The following CCDC91 variants were observed in gnomAD, a reference collection of about 807,000 sequenced individuals.
CCDC91 encodes coiled-coil domain-containing protein 91.
CCDC91 carries 48 observed loss-of-function variants against 63.2 expected under a neutral mutation model. The observed-to-expected ratio is 0.76, with a 90% CI of 0.60 to 0.97. The LOEUF is 0.97. Among genes scored for constraint, CCDC91 ranks in the 50% least tolerant of loss-of-function variants. The pLI is 0.00. For synonymous variants in CCDC91, 167 were observed against 165.8 expected (o/e 1.01, Z -0.06); for missense variants, 500 against 494.6 (o/e 1.01, Z -0.10).
chr12:28,230,912 A>G (rs1351919424), intron 1 of CCDC91, among the ~76,000 whole-genome samples: 1 of 152,210 alleles, frequency 6.6e-6, no homozygotes, highest in Non-Finnish European at 1.5e-5. Flanking sequence ...GGCATGAGCC[A>G]CTGTACCTGG....
chr12:28,323,637 C>A (rs1435874325), intron 6 of CCDC91, among the ~76,000 whole-genome samples: 4 of 151,806 alleles, frequency 2.6e-5, no homozygotes, highest in Non-Finnish European at 5.9e-5. Context: ...AGGTTTTAAA[C>A]CCTGTTGCGA....
chr12:28,486,271 T>C (rs1332094977), intron 12 of CCDC91, among the ~76,000 whole-genome samples: 1 of 152,180 alleles, frequency 6.6e-6, no homozygotes, highest in African/African-American at 2.4e-5. Flanking sequence ...CTTAGCGTAA[T>C]GCCCTCAAGG....
At chr12:28,388,525 T>G (rs113993888) in intron 7 of CCDC91, among the ~76,000 whole-genome samples, 1 of 152,174 alleles carries the variant, frequency 6.6e-6, no homozygotes, top group Admixed American at 6.5e-5. Context: ...TGCAAAAACA[T>G]AAAATACTTA....
chr12:28,328,490 A>G (rs1406112374), intron 6 of CCDC91, among the ~76,000 whole-genome samples: 1 of 152,218 alleles, frequency 6.6e-6, no homozygotes, highest in Non-Finnish European at 1.5e-5. Context: ...TTTTATTTTC[A>G]GATTGCCAAT....
chr12:28,508,411 A>G (rs1592896408), intron 12 of CCDC91, among the ~76,000 whole-genome samples: 5 of 151,746 alleles, frequency 3.3e-5, no homozygotes, highest in Admixed American at 2.6e-4. Context: ...ACCTGTATCC[A>G]TGGGACCTAT....
At chr12:28,317,331 G>A (rs573245405) in intron 6 of CCDC91, among the ~76,000 whole-genome samples, 6 of 152,008 alleles carry the variant, frequency 3.9e-5, no homozygotes, top group African/African-American at 1.4e-4. Context: ...CCTGCTGATT[G>A]CTGTTAAAGG....
At chr12:28,347,409 C>T (rs917406284) in intron 6 of CCDC91, among the ~76,000 whole-genome samples, 1 of 152,168 alleles carries the variant, frequency 6.6e-6, no homozygotes, top group Non-Finnish European at 1.5e-5. Context: ...AGTACCCTAT[C>T]TTTTTCACCT....
At chr12:28,415,439 C>T (rs1474933604) in intron 8 of CCDC91, among the ~76,000 whole-genome samples, 3 of 152,014 alleles carry the variant, frequency 2.0e-5, no homozygotes, top group East Asian at 1.9e-4. Flanking sequence ...AGACTGGTCT[C>T]GAACTCCTGA....
intron 2 of CCDC91, 125 bp downstream of exon 2, chr12:28,257,370 C>A: frequency 6.4e-6 from 4 of 629,672 alleles, no homozygotes; most frequent in Admixed American, 2.8e-5. Context: ...TAATGTAATT[C>A]TGGAGTAAAA....
intron 7 of CCDC91, among the ~76,000 whole-genome samples, chr12:28,368,256 G>A (rs959134846): frequency 6.6e-6 from 1 of 152,128 alleles, no homozygotes; most frequent in Non-Finnish European, 1.5e-5. Flanking sequence ...AACAAGTGCT[G>A]AAAAAAGAAC....
At position 28,266,973 on chromosome 12, in the gene CCDC91, A is replaced by G. The variant is rs1947231097; in HGVS notation, c.109+7531A>G. Among the ~76,000 whole-genome samples the G allele has an allele frequency of 2.0e-5, 3 of 152,070 alleles. No individual in the cohort carries two copies. In the South Asian group the frequency reaches 6.2e-4, roughly 32 times the overall value. On this transcript the variant is annotated intron_variant, in intron 3 of 12. Transcript: ENST00000536442. ...CATTGCCTACCATTCTTATACCAGTATATACAATTCTCATCAGCTATCCAT... is the reference window on the plus strand; with the variant it reads ...CATTGCCTACCATTCTTATACCAGTGTATACAATTCTCATCAGCTATCCAT...
intron 1 of CCDC91, among the ~76,000 whole-genome samples, chr12:28,234,309 T>C (rs1944788842): frequency 6.6e-6 from 1 of 152,168 alleles, no homozygotes; most frequent in Non-Finnish European, 1.5e-5. Context: ...CCTTTAAATA[T>C]CCTCTTTAAT....
At chr12:28,397,382 T>G (rs1403803168) in intron 8 of CCDC91, among the ~76,000 whole-genome samples, 2 of 152,168 alleles carry the variant, frequency 1.3e-5, no homozygotes, top group African/African-American at 2.4e-5. Context: ...GAGACAACAC[T>G]GTAGGTAGAG....
intron 8 of CCDC91, among the ~76,000 whole-genome samples, chr12:28,411,866 G>C (rs888795230): frequency 5.9e-5 from 9 of 152,158 alleles, no homozygotes; most frequent in African/African-American, 1.4e-4. Context: ...GCCTCAGGCA[G>C]GTCCTTCAGG....
intron 8 of CCDC91, chr12:28,412,705 C>A: frequency 2.2e-6 from 1 of 452,506 alleles, no homozygotes; most frequent in Non-Finnish European, 4.4e-6. Context: ...GGGTGGTCAG[C>A]TTTTATCCCC....
chr12:28,380,921 ATTT>A (rs1186703624), intron 7 of CCDC91, among the ~76,000 whole-genome samples: 1 of 152,070 alleles, frequency 6.6e-6, no homozygotes, highest in Non-Finnish European at 1.5e-5. Context: ...CTACAGATTT[ATTT>A]TTATTTATTA....
intron 7 of CCDC91, among the ~76,000 whole-genome samples, chr12:28,379,578 C>T (rs1945162770): frequency 6.6e-6 from 1 of 152,004 alleles, no homozygotes; most frequent in Non-Finnish European, 1.5e-5. Flanking sequence ...CACTGGCCAT[C>T]AGAGAAATGC....
At chr12:28,459,648 G>A (rs763253517) in intron 11 of CCDC91, among the ~76,000 whole-genome samples, 1 of 152,108 alleles carries the variant, frequency 6.6e-6, no homozygotes. Context: ...TACTCTGAGA[G>A]GTCAAGGATA....
intron 8 of CCDC91, among the ~76,000 whole-genome samples, chr12:28,405,680 G>A (rs1946891599): frequency 6.6e-6 from 1 of 152,006 alleles, no homozygotes; most frequent in Non-Finnish European, 1.5e-5. Flanking sequence ...TCCCTTTCAG[G>A]GCTTCTATTT....
Sources: allele counts gnomAD v4.1 joint callset (sites outside exome capture counted in the v4.1 genomes callset), GRCh38; gene constraint gnomAD v4.1.1; transcripts MANE v1.5; gene names NCBI Gene and HGNC (gene_info 2026-07-23, HGNC 2026-07-21).